The following MYO9B variants were observed in gnomAD, a reference collection of about 807,000 sequenced individuals.
MYO9B encodes unconventional myosin-IXb.
In MYO9B, 71 loss-of-function variants were observed where a neutral mutation model predicts 229.5. That is an observed-to-expected ratio of 0.31 (90% CI 0.26 to 0.38). The LOEUF (loss-of-function observed/expected upper bound fraction) is 0.38. Ranked by LOEUF, MYO9B falls within the 10% of genes least tolerant of loss-of-function variation. The pLI is 1.00. For missense variants in MYO9B, 2,255 were observed against 2,920.5 expected, an observed-to-expected ratio of 0.77 and a Z score of 5.25; for synonymous variants, 1,185 against 1,235.8, an observed-to-expected ratio of 0.96 and a Z score of 0.86.
intron 30 of MYO9B, 111 bp from the exon 31 acceptor site, chr19:17,205,150 CAA>C (rs759938283): frequency 0.017 from 7,997 of 480,104 alleles, no homozygotes; most frequent in Non-Finnish European, 0.019. Flanking sequence ...GACTCCATCT[CAA>C]AAAAAAAAAA....
chr19:17,119,261 G>A (rs531741243), intron 2 of MYO9B, among the ~76,000 whole-genome samples: 7 of 152,322 alleles, frequency 4.6e-5, no homozygotes, highest in South Asian at 2.1e-4. Context: ...CAGTGCCAGC[G>A]CACAGCACCA....
In MYO9B at chr19:17,158,421, C is replaced by A. The variant is rs181799966; in HGVS notation, c.1330-974C>A. Among the ~76,000 whole-genome samples the A allele has an allele frequency of 1.6e-3, 244 of 152,014 alleles. 4 individuals are homozygous for A. The highest frequency in any genetic ancestry group is 1.3e-4 in the Non-Finnish European group (9 of 67,970). On this transcript the variant is annotated intron_variant, in intron 7 of 39. Transcript: ENST00000682292. ...CAAAGCCTGACCAATATGGAGAAAC[C>A]CCATCTCTACTAAAAATACAAAAAT...
chr19:17,132,787 G>A (rs9797820), intron 2 of MYO9B, among the ~76,000 whole-genome samples: 26,936 of 149,402 alleles, frequency 0.18, 2,658 homozygotes, highest in East Asian at 0.29. Context: ...CTTGGCTTCC[G>A]AAGTGGTGGA....
chr19:17,177,114 T>C (rs2072798975), intron 14 of MYO9B, among the ~76,000 whole-genome samples: 1 of 151,920 alleles, frequency 6.6e-6, no homozygotes, highest in Non-Finnish European at 1.5e-5. Flanking sequence ...GGCAGGAGAA[T>C]TGCTTGAACC....
At chr19:17,174,186 C>T (rs1383905991) in intron 13 of MYO9B, among the ~76,000 whole-genome samples, 11 of 152,126 alleles carry the variant, frequency 7.2e-5, no homozygotes, top group South Asian at 2.1e-4. Context: ...CCCGCCACCA[C>T]GCCTGGCTAA....
chr19:17,115,524 A>G (rs1245346503), intron 2 of MYO9B, among the ~76,000 whole-genome samples: 1 of 140,282 alleles, frequency 7.1e-6, no homozygotes, highest in Non-Finnish European at 1.5e-5. Flanking sequence ...GCTGGAGTTC[A>G]GTGGTGCGAT....
intron 3 of MYO9B, among the ~76,000 whole-genome samples, chr19:17,145,943 G>A (rs541263599): frequency 1.2e-3 from 179 of 150,600 alleles, no homozygotes; most frequent in African/African-American, 4.3e-3. Context: ...GGGATGGATG[G>A]ATGGATGGAT....
intron 2 of MYO9B, among the ~76,000 whole-genome samples, chr19:17,134,938 A>G (rs1389833416): frequency 6.7e-6 from 1 of 150,294 alleles, no homozygotes; most frequent in African/African-American, 2.5e-5. Context: ...TAATTTTTGT[A>G]TTTTTAGTAG....
Position 17,212,096 on chromosome 19 carries a change from C to A in MYO9B, c.6260C>A (p.Ala2087Asp). 6.3e-7 allele frequency: 1 copy of A among 1,590,330 alleles called. No homozygotes were observed. Among genetic ancestry groups the A allele is most frequent in the East Asian group, 2.3e-5 (1 of 44,026 alleles). Residue 2087 changes from alanine (A) to aspartate (D), a missense_variant, in exon 40 of 40, where the codon GCC (alanine) becomes GAC (aspartate). This residue lies in a region of MYO9B where 331 missense variants were observed against 332.5 expected (regional missense o/e 1.00). Transcript: ENST00000682292. The surrounding 1 kb of genome is among the most constrained non-coding windows in gnomAD (Gnocchi z 5.4). Reference sequence around the variant, plus strand: ...CACCTGCCTCGCTGGGCACCGGGTGCCCGGGAGGCGGCTGCCCCAGTGCGG... The same window carrying A: ...CACCTGCCTCGCTGGGCACCGGGTGACCGGGAGGCGGCTGCCCCAGTGCGG... ...PSHLPRWAPG[A>D]REAAAPVRRR...
At chr19:17,184,334 G>A (rs139639678) in intron 16 of MYO9B, among the ~76,000 whole-genome samples, 114 of 152,320 alleles carry the variant, frequency 7.5e-4, no homozygotes, top group African/African-American at 2.6e-3. Flanking sequence ...GCTCTGTCTC[G>A]TTTCCACATA....
chr19:17,142,219 A>G (rs2072350555), intron 2 of MYO9B, among the ~76,000 whole-genome samples: 1 of 151,900 alleles, frequency 6.6e-6, no homozygotes, highest in Non-Finnish European at 1.5e-5. Flanking sequence ...AACAGGCCAT[A>G]AGTGTATGAC....
At position 17,124,242 on chromosome 19, in the gene MYO9B, C is replaced by T. The variant is rs143101975; in HGVS notation, c.841-21155C>T. ...GTGTGGTGGTACACACTTGTAATCCCAGCTGTTGAGGAGGCTGAGGTAGGA... is the reference window on the plus strand; with the variant it reads ...GTGTGGTGGTACACACTTGTAATCCTAGCTGTTGAGGAGGCTGAGGTAGGA... On this transcript the variant is annotated intron_variant, in intron 2 of 39. Transcript: ENST00000682292. Among the ~76,000 whole-genome samples the T allele has an allele frequency of 3.4e-3, 525 of 152,184 alleles. 4 individuals carry two copies. Among genetic ancestry groups the T allele is most frequent in the African/African-American group, 0.011 (474 of 41,530 alleles).
chr19:17,208,527 G>A (rs1201531283), intron 35 of MYO9B, among the ~76,000 whole-genome samples: 1 of 151,288 alleles, frequency 6.6e-6, no homozygotes, highest in Non-Finnish European at 1.5e-5. Context: ...CGCCTCCCGG[G>A]TTCACGCCAT....
intron 19 of MYO9B, among the ~76,000 whole-genome samples, chr19:17,189,238 A>G (rs2072953932): frequency 6.6e-6 from 1 of 151,998 alleles, no homozygotes; most frequent in Non-Finnish European, 1.5e-5. Context: ...AGGTGAGAAG[A>G]TCACTTGAAC....
At chr19:17,200,142 G>A in intron 24 of MYO9B, 151 bp from the exon 25 acceptor site, 1 of 984,322 alleles carries the variant, frequency 1.0e-6, no homozygotes, top group East Asian at 2.7e-5. Context: ...CAAAGTGCTG[G>A]GATTACAGGC....
At chr19:17,157,266 C>T (rs1183061875) in intron 7 of MYO9B, 3 of 486,858 alleles carry the variant, frequency 6.2e-6, no homozygotes, top group Admixed American at 3.9e-5. Flanking sequence ...TTTAAAACTA[C>T]AGCTCAGGGG....
chr19:17,146,161 A>ATG (rs2072407443), intron 3 of MYO9B, among the ~76,000 whole-genome samples: 13 of 100,778 alleles, frequency 1.3e-4, no homozygotes, highest in Non-Finnish European at 2.2e-4. Context: ...GTGGGTGGAT[A>ATG]GATGGATGGA....
In MYO9B at chr19:17,212,429, G is replaced by A. The variant is rs1178049691; in HGVS notation, c.*119G>A. 6.5e-6 allele frequency: 8 copies of A among 1,235,486 alleles called. No individual in the cohort carries two copies. Among genetic ancestry groups the A allele is most frequent in the Non-Finnish European group, 6.4e-6 (6 of 935,632 alleles). 76.5% of individuals were successfully genotyped at this position (1,235,486 alleles called of 1,614,324 possible). ...AGGATCCAGAATCAAAAGCTCAAGA[G>A]TGACGTGAGGTGGGCACCGGCCCCA... On this transcript the variant is annotated 3_prime_UTR_variant, in exon 40 of 40. Transcript: ENST00000682292. The surrounding 1 kb of genome is among the most constrained non-coding windows in gnomAD (Gnocchi z 5.4).
At chr19:17,189,263 G>C (rs974927857) in intron 19 of MYO9B, among the ~76,000 whole-genome samples, 3 of 152,082 alleles carry the variant, frequency 2.0e-5, no homozygotes, top group Admixed American at 2.0e-4. Context: ...GTAGTTTGAG[G>C]CTACAGTGAG....
Sources: allele counts gnomAD v4.1 joint callset (sites outside exome capture counted in the v4.1 genomes callset), GRCh38; gene constraint gnomAD v4.1.1; regional missense constraint gnomAD v4.1.1; non-coding constraint Gnocchi (gnomAD v3.1); transcripts MANE v1.5; gene names NCBI Gene and HGNC (gene_info 2026-07-23, HGNC 2026-07-21).